The following SNED1 variants were observed in gnomAD, a reference collection of about 807,000 sequenced individuals.
The protein encoded by SNED1 is sushi, nidogen and EGF-like domain-containing protein 1.
In SNED1, 81 loss-of-function variants were observed where a neutral mutation model predicts 166.7. The observed-to-expected ratio is 0.49, with a 90% CI of 0.41 to 0.58. The LOEUF is 0.58. Among genes scored for constraint, SNED1 ranks in the 20% least tolerant of loss-of-function variants. SNED1 has a pLI of 0.00. For synonymous variants in SNED1, 762 were observed against 822.0 expected (o/e 0.93, Z 1.25); for missense variants, 1,604 against 2,000.2 (o/e 0.80, Z 3.78).
chr2:241,076,877 G>A (rs1387935676), intron 27 of SNED1, among the ~76,000 whole-genome samples: 2 of 152,188 alleles, frequency 1.3e-5, no homozygotes. Flanking sequence ...GGATCACCAG[G>A]TCAGGAGATC....
chr2:241,056,790 C>G (rs1279109921), intron 16 of SNED1, among the ~76,000 whole-genome samples: 1 of 150,984 alleles, frequency 6.6e-6, no homozygotes, highest in Non-Finnish European at 1.5e-5. Flanking sequence ...ACCGTGTTAG[C>G]CAGGATGGTC....
At chr2:241,045,685 C>A (rs2061626905) in intron 8 of SNED1, among the ~76,000 whole-genome samples, 1 of 146,928 alleles carries the variant, frequency 6.8e-6, no homozygotes, top group Admixed American at 6.8e-5. Context: ...AAAACATAAA[C>A]TATAAGATTT....
chr2:241,033,550 TG>T (rs2125002668), intron 2 of SNED1, 184 bp from the exon 3 acceptor site: 1 of 623,632 alleles, frequency 1.6e-6, no homozygotes, highest in East Asian at 3.0e-5. Flanking sequence ...TGGCAGGCGC[TG>T]GGAGACAGCA....
chr2:241,072,338 G>A (rs6717355), intron 26 of SNED1: 39,505 of 402,604 alleles, frequency 0.098, 2,254 homozygotes, highest in East Asian at 0.2. Context: ...GATGGGCCCA[G>A]GTGCCTTGGG....
rs1267366513 is a variant in SNED1 at position 241,052,914 on chromosome 2, G to A, written c.2084-239G>A. Among the ~76,000 whole-genome samples, 5 of 151,354 alleles carry A rather than the reference G, an allele frequency of 3.3e-5. No homozygotes were observed. The South Asian group carries it at 1.0e-3, about 32-fold the overall frequency. ...AGGCAGGTGAGAGGGCTAGAGGGGG[G>A]TCAAGTGGGGAGCGTGGGATTTCTT... is the stretch of plus-strand genomic sequence containing the variant. On this transcript the variant is annotated intron_variant, in intron 15 of 31. Coordinates refer to ENST00000310397, the MANE Select transcript of SNED1 (RefSeq NM_001080437.3).
intron 3 of SNED1, 67 bp downstream of exon 3, chr2:241,033,942 C>T (rs943314158): frequency 5.3e-6 from 8 of 1,514,178 alleles, no homozygotes; most frequent in Non-Finnish European, 6.2e-6. Flanking sequence ...CTGTCATGAG[C>T]TGATGAGGTA....
At chr2:241,045,986 AAT>A (rs2061634408) in intron 8 of SNED1, among the ~76,000 whole-genome samples, 1 of 152,248 alleles carries the variant, frequency 6.6e-6, no homozygotes, top group African/African-American at 2.4e-5. Context: ...CAATTTTAAA[AAT>A]GGACAAAAGA....
chr2:241,079,867 TA>T (rs2063245348), intron 27 of SNED1, among the ~76,000 whole-genome samples: 2 of 152,348 alleles, frequency 1.3e-5, no homozygotes, highest in South Asian at 4.1e-4. Context: ...ATGTTAGTAG[TA>T]ATACCTGAAT....
chr2:241,078,116 G>A (rs2063119960), intron 27 of SNED1, among the ~76,000 whole-genome samples: 1 of 152,188 alleles, frequency 6.6e-6, no homozygotes, highest in Admixed American at 6.6e-5. Flanking sequence ...CGGGCGCGGT[G>A]GCTCACGCCT....
Position 241,071,693 on chromosome 2 carries a change from C to T in SNED1, c.3707C>T (p.Ala1236Val). ...PELRLLNDHS[A>V]PETPTQPPRF... is the part of the protein sequence containing the mutation. ...CTGCGCCTGCTCAATGACCACAGCGCCCCCGAGACCCCCACCCAGCCCCCC... is the reference window on the plus strand; with the variant it reads ...CTGCGCCTGCTCAATGACCACAGCGTCCCCGAGACCCCCACCCAGCCCCCC... The change falls in exon 25 of 32, where the codon GCC becomes GTC. Residue 1236 changes from alanine to valine, a missense_variant. Physicochemically the swap from Ala to Val is moderately conservative, Grantham distance 64. Coordinates refer to ENST00000310397, the MANE Select transcript of SNED1 (RefSeq NM_001080437.3). The T allele has an allele frequency of 6.6e-7, 1 of 1,516,622 alleles. No homozygotes were observed. 93.9% of individuals were successfully genotyped at this position (1,516,622 alleles called of 1,614,324 possible).
chr2:241,039,228 C>T (rs1057324814), intron 6 of SNED1, among the ~76,000 whole-genome samples: 1 of 152,140 alleles, frequency 6.6e-6, no homozygotes, highest in African/African-American at 2.4e-5. Flanking sequence ...GAGTTGGGGT[C>T]AGGGAGACAG....
At chr2:241,050,705 G>T (rs560328175) in intron 12 of SNED1, among the ~76,000 whole-genome samples, 1 of 152,312 alleles carries the variant, frequency 6.6e-6, no homozygotes, top group South Asian at 2.1e-4. Context: ...AAGCTCTGAC[G>T]AGGTCTTTGT....
In SNED1 at chr2:241,064,833, T is replaced by G; in HGVS notation, c.2600-11T>G. The G allele has an allele frequency of 2.5e-6, 4 of 1,570,732 alleles. No individual in the cohort carries two copies. The highest frequency in any genetic ancestry group is 8.6e-7 in the Non-Finnish European group (1 of 1,163,580). On this transcript the variant is annotated splice_polypyrimidine_tract_variant and intron_variant, in intron 19 of 31. Coordinates refer to ENST00000310397, the MANE Select transcript of SNED1 (RefSeq NM_001080437.3). This position sits in a 1 kb window ranked among gnomAD's most constrained non-coding sequence, Gnocchi z 7.0. ...CGCCCCAACATACACTGCCACTTTT[T>G]CTCCCCTCAGTGAGTGACCCCTGCT...
chr2:241,037,194 C>A, intron 5 of SNED1, 46 bp from the exon 6 acceptor site: 1 of 1,467,606 alleles, frequency 6.8e-7, no homozygotes, highest in Non-Finnish European at 9.3e-7. Flanking sequence ...GAAAACTCCT[C>A]ATCCGGGTTC....
chr2:241,048,997 A>T, intron 10 of SNED1, 25 bp from the exon 11 acceptor site: 1 of 1,577,006 alleles, frequency 6.3e-7, no homozygotes. Flanking sequence ...GGAATATGGG[A>T]TGGGGCTTCC....
Position 241,071,678 on chromosome 2 carries a change from T to C in SNED1, c.3692T>C (p.Leu1231Pro), listed in dbSNP as rs1275957985. Residue 1231 changes from leucine to proline, a missense_variant, in exon 25 of 32, where the codon CTC (leucine) becomes CCC (proline). Transcript: ENST00000310397. ...PPARLPELRL[L>P]NDHSAPETPT... Reference sequence around the variant, plus strand: ...GCGCGCCTGCCGGAGCTGCGCCTGCTCAATGACCACAGCGCCCCCGAGACC... The same window carrying C: ...GCGCGCCTGCCGGAGCTGCGCCTGCCCAATGACCACAGCGCCCCCGAGACC... The C allele has an allele frequency of 6.4e-7, 1 of 1,553,210 alleles. No homozygotes were observed. Among genetic ancestry groups the C allele is most frequent in the South Asian group, 1.2e-5 (1 of 84,838 alleles).
chr2:241,048,278 C>A, intron 8 of SNED1, 37 bp from the exon 9 acceptor site: 1 of 1,559,200 alleles, frequency 6.4e-7, no homozygotes, highest in Non-Finnish European at 8.7e-7. Flanking sequence ...CCCCACATTC[C>A]CTGCGTGGCC....
intron 1 of SNED1, among the ~76,000 whole-genome samples, chr2:241,000,471 A>G (rs765287878): frequency 2.0e-5 from 3 of 152,200 alleles, no homozygotes; most frequent in Non-Finnish European, 4.4e-5. Flanking sequence ...AATGGTGCTC[A>G]GCGTTGGCCC....
rs375939150 is a variant in SNED1 at position 241,034,672 on chromosome 2, G to A, written c.747G>A (p.Gly249=). 1 of 1,607,706 alleles carries A rather than the reference G, an allele frequency of 6.2e-7. No homozygotes were observed. Among genetic ancestry groups the A allele is most frequent in the African/African-American group, 1.3e-5 (1 of 74,934 alleles). ...CCACCACCAACGTGGGTGTGCCCGG[G>A]CGCTGGGCGTTCAGAATCGATGATG... ...VETTTNVGVP[G]RWAFRIDDAQ... The change falls in exon 4 of 32, where the codon GGG becomes GGA. Residue 249 remains glycine, a synonymous_variant. Transcript: ENST00000310397.
Sources: gnomAD v4.1 joint callset for allele counts (sites outside exome capture counted in the v4.1 genomes callset) on GRCh38, gnomAD v4.1.1 for gene constraint, Gnocchi (gnomAD v3.1) non-coding constraint, MANE v1.5 for transcripts, NCBI Gene and HGNC (gene_info 2026-07-23, HGNC 2026-07-21) for gene names.